Variants in ARHGAP39 observed in about 807,000 individuals in gnomAD.
The protein encoded by ARHGAP39 is Rho GTPase activating protein 39, also known as rho GTPase-activating protein 39.
Under a neutral mutation model 106.9 loss-of-function variants are expected in ARHGAP39, and 44 were observed. The ratio of observed to expected loss-of-function variants is 0.41; its 90% CI spans 0.32 to 0.53. The LOEUF (loss-of-function observed/expected upper bound fraction) is 0.53. Ranked by LOEUF, ARHGAP39 falls within the 20% of genes least tolerant of loss-of-function variation. The pLI is 0.21. For missense variants in ARHGAP39, 1,496 were observed against 1,577.3 expected, an observed-to-expected ratio of 0.95 and a Z score of 0.87; for synonymous variants, 768 against 693.2, an observed-to-expected ratio of 1.11 and a Z score of -1.69.
upstream of ARHGAP39, among the ~76,000 whole-genome samples, chr8:144,686,758 C>T (rs1406358367): frequency 1.3e-5 from 2 of 152,226 alleles, no homozygotes; most frequent in Non-Finnish European, 2.9e-5. Context: ...TTTTCGCCTC[C>T]CGCTCCCTCT....
At chr8:144,603,677 G>A (rs1820168057) in intron 2 of ARHGAP39, among the ~76,000 whole-genome samples, 2 of 142,064 alleles carry the variant, frequency 1.4e-5, no homozygotes, top group South Asian at 4.4e-4. Context: ...GCGACAAAGC[G>A]AGACTCCATC....
upstream of ARHGAP39, among the ~76,000 whole-genome samples, chr8:144,686,008 G>A (rs1822581660): frequency 6.6e-6 from 1 of 151,450 alleles, no homozygotes; most frequent in Non-Finnish European, 1.5e-5. Flanking sequence ...GAGGGCGCGC[G>A]CGGCATGCTG....
intron 3 of ARHGAP39, among the ~76,000 whole-genome samples, chr8:144,562,990 T>G (rs1184218610): frequency 6.6e-6 from 1 of 152,260 alleles, no homozygotes; most frequent in Non-Finnish European, 1.5e-5. Flanking sequence ...ACCAAAGAAT[T>G]AGCCTCTATC....
intron 1 of ARHGAP39, among the ~76,000 whole-genome samples, chr8:144,653,923 C>G (rs761085622): frequency 6.6e-6 from 1 of 152,198 alleles, no homozygotes; most frequent in Non-Finnish European, 1.5e-5. Context: ...AGGTGAAACC[C>G]GCTCCCAGCC....
At chr8:144,606,445 T>C (rs557115384) in intron 1 of ARHGAP39, among the ~76,000 whole-genome samples, 1 of 152,358 alleles carries the variant, frequency 6.6e-6, no homozygotes, top group East Asian at 1.9e-4. Flanking sequence ...AGTAAATATG[T>C]GTTCTCTTCC....
chr8:144,654,481 A>G (rs1247271028), intron 1 of ARHGAP39, among the ~76,000 whole-genome samples: 1 of 152,168 alleles, frequency 6.6e-6, no homozygotes, highest in Admixed American at 6.5e-5. Flanking sequence ...TCCAGCCTGG[A>G]TGACAGAACA....
intron 3 of ARHGAP39, among the ~76,000 whole-genome samples, chr8:144,577,429 T>C (rs573987155): frequency 3.9e-5 from 6 of 152,104 alleles, no homozygotes; most frequent in African/African-American, 9.6e-5. Flanking sequence ...ATCAAGGAAC[T>C]TGCTCAATAG....
intron 3 of ARHGAP39, among the ~76,000 whole-genome samples, chr8:144,555,889 T>C (rs973397949): frequency 4.6e-5 from 7 of 152,288 alleles, no homozygotes; most frequent in Middle Eastern, 3.4e-3. Flanking sequence ...GCTTGAACCA[T>C]TGGAGCTGGG....
At chr8:144,545,962 G>A in intron 5 of ARHGAP39, 152 bp from the exon 6 acceptor site, 5 of 657,070 alleles carry the variant, frequency 7.6e-6, no homozygotes, top group Non-Finnish European at 1.2e-5. Flanking sequence ...GCTGTCTGAG[G>A]TGGGAGGCCC....
chr8:144,680,409 T>A lies in ARHGAP39; in HGVS notation c.-82+5277A>T, dbSNP rs111974642. Among the ~76,000 whole-genome samples the A allele has an allele frequency of 2.0e-3, 312 of 152,364 alleles. 4 individuals are homozygous for A. The highest frequency in any genetic ancestry group is 3.4e-3 in the Non-Finnish European group (228 of 68,040). On this transcript the variant is annotated intron_variant, in intron 1 of 11. Coordinates refer to ENST00000377307, the MANE Select transcript of ARHGAP39 (RefSeq NM_025251.3). Reference sequence around the variant, plus strand: ...AAACACAGAAATAAGCAGGCGCAGCTGTTGAATAAAACCTCATTTACAAAA... The same window carrying A: ...AAACACAGAAATAAGCAGGCGCAGCAGTTGAATAAAACCTCATTTACAAAA...
At chr8:144,576,023 G>A (rs1818759192) in intron 3 of ARHGAP39, among the ~76,000 whole-genome samples, 1 of 152,040 alleles carries the variant, frequency 6.6e-6, no homozygotes, top group East Asian at 1.9e-4. Context: ...ATAATTCAAC[G>A]CAATTCTAGT....
At chr8:144,685,208 T>G (rs1390359480) in intron 1 of ARHGAP39, among the ~76,000 whole-genome samples, 1 of 115,488 alleles carries the variant, frequency 8.7e-6, no homozygotes, top group African/African-American at 3.5e-5. Context: ...ACACCCACAC[T>G]CCCCTCGGGC....
chr8:144,573,368 ACAC>A (rs959744563), intron 3 of ARHGAP39, among the ~76,000 whole-genome samples: 2 of 150,162 alleles, frequency 1.3e-5, no homozygotes, highest in African/African-American at 4.9e-5. Flanking sequence ...AGAAAACCAA[ACAC>A]CACATGTTCT....
At chr8:144,695,615 C>T in the ARHGAP39 span, among the ~76,000 whole-genome samples, 4 of 152,188 alleles carry the variant, frequency 2.6e-5, no homozygotes, top group African/African-American at 9.7e-5. Context: ...GCTCAAAGTT[C>T]TCTCGGCCTT....
Position 144,671,900 on chromosome 8 carries a change from G to A in ARHGAP39, c.-82+13786C>T, listed in dbSNP as rs1252634028. On this transcript the variant is annotated intron_variant, in intron 1 of 11. Transcript: ENST00000377307. This position sits in a 1 kb window ranked among gnomAD's most constrained non-coding sequence, Gnocchi z 4.5. ...GACAGGGGCGAGATGAGTGTGGGTG[G>A]GCCTGGCAAACACAAGACCAGGTGT... Among the ~76,000 whole-genome samples, 1 of 152,212 alleles carries A rather than the reference G, an allele frequency of 6.6e-6. No homozygotes were observed. Among genetic ancestry groups the A allele is most frequent in the Non-Finnish European group, 1.5e-5 (1 of 68,038 alleles).
intron 2 of ARHGAP39, chr8:144,584,260 G>C (rs1819104163): frequency 1.3e-5 from 2 of 151,944 alleles, no homozygotes; most frequent in African/African-American, 4.8e-5. Flanking sequence ...GCAACGTGGT[G>C]AAACCCCATC....
intron 1 of ARHGAP39, among the ~76,000 whole-genome samples, chr8:144,630,067 A>T (rs1477612875): frequency 6.6e-6 from 1 of 152,058 alleles, no homozygotes; most frequent in Non-Finnish European, 1.5e-5. Context: ...GTGTGGGACG[A>T]GCCCAGATGC....
intron 1 of ARHGAP39, among the ~76,000 whole-genome samples, chr8:144,617,915 G>A (rs771793676): frequency 3.3e-5 from 5 of 152,024 alleles, no homozygotes; most frequent in South Asian, 2.1e-4. Context: ...CTGAGAAGCC[G>A]GGACCACAGG....
intron 1 of ARHGAP39, among the ~76,000 whole-genome samples, chr8:144,631,638 C>G (rs1821064540): frequency 6.6e-6 from 1 of 152,214 alleles, no homozygotes; most frequent in Admixed American, 6.5e-5. Context: ...CAAGTCAGTG[C>G]AGTGCAGCTG....
Sources: gnomAD v4.1 joint callset for allele counts (sites outside exome capture counted in the v4.1 genomes callset) on GRCh38, gnomAD v4.1.1 for gene constraint, Gnocchi (gnomAD v3.1) non-coding constraint, MANE v1.5 for transcripts, NCBI Gene and HGNC (gene_info 2026-07-23, HGNC 2026-07-21) for gene names.